PGAP2: variants seen among roughly 807,000 people sequenced by gnomAD.
The protein encoded by PGAP2 is acyltransferase PGAP2.
PGAP2 carries 21 observed loss-of-function variants against 33.2 expected under a neutral mutation model. That is an observed-to-expected ratio of 0.63 (90% CI 0.45 to 0.91). The LOEUF is 0.91. Among genes scored for constraint, PGAP2 ranks in the 40% least tolerant of loss-of-function variants. The pLI is 0.00. For synonymous variants in PGAP2, 161 were observed against 172.9 expected, an observed-to-expected ratio of 0.93 and a Z score of 0.54; for missense variants, 345 against 424.0, an observed-to-expected ratio of 0.81 and a Z score of 1.64.
intron 1 of PGAP2, chr11:3,798,037 C>A: frequency 6.5e-7 from 1 of 1,530,400 alleles, no homozygotes; most frequent in Admixed American, 2.2e-5. Flanking sequence ...GGGAAGGCTT[C>A]CTAGTCTCTC....
Position 3,825,749 on chromosome 11 carries a change from T to TGATACGGC in PGAP2, c.*293_*294insTACGGCGA. Reference sequence around the variant, plus strand: ...AAAAAAAAAAACGTCCTGAGGTTCATGACCACCATCCAGTTTCTGGCCTTT... The same window carrying TGATACGGC: ...AAAAAAAAAAACGTCCTGAGGTTCATGATACGGCGACCACCATCCAGTTTCTGGCCTTT... On this transcript the variant is annotated 3_prime_UTR_variant, in exon 7 of 7. Transcript: ENST00000278243. 7 of 286,110 alleles carry TGATACGGC rather than the reference T, an allele frequency of 2.4e-5. No homozygotes were observed. Among genetic ancestry groups the TGATACGGC allele is most frequent in the South Asian group, 9.8e-5 (2 of 20,452 alleles). 17.7% of individuals were successfully genotyped at this position (286,110 alleles called of 1,614,324 possible). A position where few individuals can be genotyped will look rare whatever the true frequency, so the allele number is the denominator to read the frequency against.
chr11:3,821,139 G>C (rs2088523320), intron 3 of PGAP2, among the ~76,000 whole-genome samples: 1 of 152,254 alleles, frequency 6.6e-6, no homozygotes, highest in Non-Finnish European at 1.5e-5. Flanking sequence ...TCCTCTGACA[G>C]TGCAGAAGGG....
At chr11:3,798,113 A>C in intron 1 of PGAP2, 13 of 1,472,800 alleles carry the variant, frequency 8.8e-6, no homozygotes, top group Non-Finnish European at 1.2e-5. Context: ...CTGTCTGTCC[A>C]AAGAGTTTGC....
chr11:3,800,542 T>C (rs1247804823), intron 1 of PGAP2, among the ~76,000 whole-genome samples: 5 of 152,316 alleles, frequency 3.3e-5, no homozygotes, highest in Admixed American at 3.3e-4. Flanking sequence ...CCAGGCGGGA[T>C]GGCTCACGCC....
At chr11:3,823,031 T>TC in intron 3 of PGAP2, 1 of 389,044 alleles carries the variant, frequency 2.6e-6, no homozygotes. Flanking sequence ...TTTCTTTTTT[T>TC]TTTTTTTTTT....
At chr11:3,813,780 A>G (rs566849274) in intron 2 of PGAP2, among the ~76,000 whole-genome samples, 2 of 152,326 alleles carry the variant, frequency 1.3e-5, no homozygotes, top group East Asian at 3.9e-4. Flanking sequence ...AAGCAAAATT[A>G]TAATATTTGT....
chr11:3,823,664 C>A (rs771495030), intron 3 of PGAP2: 2 of 1,552,664 alleles, frequency 1.3e-6, no homozygotes, highest in Non-Finnish European at 1.7e-6. Context: ...TGCTGCTGCA[C>A]AAATCCCAGG....
chr11:3,807,502 T>C (rs1384331296), upstream of PGAP2, among the ~76,000 whole-genome samples: 1 of 151,532 alleles, frequency 6.6e-6, no homozygotes, highest in East Asian at 2.0e-4. Context: ...GAGACGGGGT[T>C]TCGCCATGTT....
chr11:3,819,905 C>A (rs938989110), intron 3 of PGAP2, among the ~76,000 whole-genome samples: 1 of 151,970 alleles, frequency 6.6e-6, no homozygotes, highest in African/African-American at 2.4e-5. Context: ...AGAATCCCAC[C>A]CCCATCCCTA....
intron 1 of PGAP2, among the ~76,000 whole-genome samples, chr11:3,803,363 A>T (rs1435465085): frequency 2.7e-5 from 4 of 149,174 alleles, no homozygotes; most frequent in Non-Finnish European, 4.4e-5. Flanking sequence ...TCCTGACCTC[A>T]TGATCCACCT....
At chr11:3,803,167 G>A (rs9733994) in intron 1 of PGAP2, among the ~76,000 whole-genome samples, 104,783 of 151,542 alleles carry the variant, frequency 0.69, 36,579 homozygotes, top group East Asian at 0.81. Context: ...TTAATTTTGT[G>A]TATTTAGTAG....
chr11:3,821,480 G>C (rs901090369), intron 3 of PGAP2, among the ~76,000 whole-genome samples: 2 of 152,212 alleles, frequency 1.3e-5, no homozygotes, highest in Non-Finnish European at 2.9e-5. Flanking sequence ...TATTCTTGCT[G>C]GGGGTGGTGG....
intron 3 of PGAP2, among the ~76,000 whole-genome samples, chr11:3,823,244 C>A (rs1269901894): frequency 1.3e-5 from 2 of 151,700 alleles, no homozygotes; most frequent in African/African-American, 4.8e-5. Context: ...CCATGTTGGC[C>A]AGGCTGGTCT....
chr11:3,800,978 C>T (rs2134112086), intron 1 of PGAP2, among the ~76,000 whole-genome samples: 1 of 143,370 alleles, frequency 7.0e-6, no homozygotes, highest in African/African-American at 2.6e-5. Context: ...ACTAAATATA[C>T]AAAAAATTAG....
chr11:3,816,855 T>G (rs2087148882), intron 2 of PGAP2, among the ~76,000 whole-genome samples: 1 of 152,076 alleles, frequency 6.6e-6, no homozygotes, highest in Non-Finnish European at 1.5e-5. Context: ...GAGCCAACGG[T>G]CCTTTGTTAG....
At chr11:3,798,033 G>T (rs1350610275) in intron 1 of PGAP2, 1 of 1,534,902 alleles carries the variant, frequency 6.5e-7, no homozygotes, top group Admixed American at 2.1e-5. Flanking sequence ...TGCTGGGAAG[G>T]CTTCCTAGTC....
chr11:3,806,459 C>G (rs368091229), upstream of PGAP2, among the ~76,000 whole-genome samples: 307 of 152,198 alleles, frequency 2.0e-3, no homozygotes, highest in African/African-American at 6.6e-3. Flanking sequence ...ACTTCGGAGC[C>G]CCTCAGAGTG....
At chr11:3,814,405 C>T (rs979655566) in intron 2 of PGAP2, among the ~76,000 whole-genome samples, 8 of 151,884 alleles carry the variant, frequency 5.3e-5, no homozygotes, top group Non-Finnish European at 7.4e-5. Context: ...TACAGGTGCC[C>T]GCCACCACAC....
rs772873428 is a variant in PGAP2 at position 3,824,394 on chromosome 11, C to T, written c.708+18C>T. On this transcript the variant is annotated intron_variant, in intron 5 of 6. Coordinates refer to ENST00000278243, the MANE Select transcript of PGAP2 (RefSeq NM_014489.4). Reference sequence around the variant, plus strand: ...GTCAGGAGGTACGGTCTATCCCTAGCGGGGGCTCCAAGGCAGCCCAGAAGA... The same window carrying T: ...GTCAGGAGGTACGGTCTATCCCTAGTGGGGGCTCCAAGGCAGCCCAGAAGA... 34 of 1,613,994 alleles carry T rather than the reference C, an allele frequency of 2.1e-5. No individual in the cohort carries two copies. Among genetic ancestry groups the T allele is most frequent in the South Asian group, 5.5e-5 (5 of 91,088 alleles).
Sources: allele counts gnomAD v4.1 joint callset (sites outside exome capture counted in the v4.1 genomes callset), GRCh38; gene constraint gnomAD v4.1.1; transcripts MANE v1.5; gene names NCBI Gene and HGNC (gene_info 2026-07-23, HGNC 2026-07-21).